The following TOMM20L variants were observed in gnomAD, a reference collection of about 807,000 sequenced individuals.
TOMM20L encodes the protein TOMM20-like protein 1.
A neutral mutation model predicts 20.4 loss-of-function variants in TOMM20L; 19 were observed. The ratio of observed to expected loss-of-function variants is 0.93; its 90% CI spans 0.65 to 1.36. The LOEUF (loss-of-function observed/expected upper bound fraction) is 1.36, where lower values mean the gene tolerates loss of function less well. Among genes scored for constraint, TOMM20L ranks in the 40% most tolerant of loss-of-function variants. The pLI, the probability that TOMM20L is intolerant of heterozygous loss-of-function variation, is 0.00. For missense variants in TOMM20L, 218 were observed against 203.7 expected, an observed-to-expected ratio of 1.07 and a Z score of -0.43; for synonymous variants, 75 against 79.6, an observed-to-expected ratio of 0.94 and a Z score of 0.30.
intron 3 of TOMM20L, among the ~76,000 whole-genome samples, chr14:58,405,034 T>C (rs1007989494): frequency 7.3e-5 from 11 of 151,422 alleles, no homozygotes; most frequent in Non-Finnish European, 8.8e-5. Flanking sequence ...AATGGCGCCA[T>C]CTCAGCCCAT....
intron 3 of TOMM20L, among the ~76,000 whole-genome samples, chr14:58,404,420 C>T (rs183299722): frequency 4.7e-4 from 71 of 151,518 alleles, no homozygotes; most frequent in Non-Finnish European, 9.1e-4. Context: ...TGAGCCACCG[C>T]GCCCGGCCAT....
chr14:58,403,797 G>T (rs376548506), intron 3 of TOMM20L, among the ~76,000 whole-genome samples: 1 of 151,200 alleles, frequency 6.6e-6, no homozygotes, highest in South Asian at 2.1e-4. Context: ...GAGATCGCAC[G>T]ACTGCACTCC....
chr14:58,407,677 G>A (rs977742829), intron 4 of TOMM20L, among the ~76,000 whole-genome samples: 1 of 151,974 alleles, frequency 6.6e-6, no homozygotes, highest in Non-Finnish European at 1.5e-5. Context: ...TGTATTATCC[G>A]TATTTCAACA....
chr14:58,410,858 T>G, downstream of TOMM20L: 1 of 1,609,192 alleles, frequency 6.2e-7, no homozygotes, highest in Non-Finnish European at 8.5e-7. Context: ...CAGGTTTTAC[T>G]TCTCTTGTTG....
downstream of TOMM20L, chr14:58,411,845 T>G (rs2036229859): frequency 6.7e-7 from 1 of 1,482,052 alleles, no homozygotes; most frequent in South Asian, 1.1e-5. Flanking sequence ...CCTGACATGG[T>G]GGCATTAGTA....
Position 58,407,534 on chromosome 14 carries a change from A to G in TOMM20L, c.405+66A>G, listed in dbSNP as rs558530709. ...AAATAGCTATGTTATGCTTGACTAC[A>G]CAGAAATATCAAAGTATGTGTGTGA... On this transcript the variant is annotated intron_variant, in intron 4 of 4. Transcript: ENST00000360945. 130 of 1,488,060 alleles carry G rather than the reference A, an allele frequency of 8.7e-5. No homozygotes were observed. The South Asian group carries it at 1.8e-3, about 20-fold the overall frequency. The allele number at this position is 1,488,060 out of a possible 1,614,324, so 92.2% of individuals were successfully genotyped here. A position where few individuals can be genotyped will look rare whatever the true frequency, so the allele number is the denominator to read the frequency against.
Position 58,396,346 on chromosome 14 carries a change from A to C in TOMM20L, c.180+5A>C, listed in dbSNP as rs1174548631. On this transcript the variant is annotated splice_donor_5th_base_variant and intron_variant, in intron 2 of 4. Coordinates refer to ENST00000360945, the MANE Select transcript of TOMM20L (RefSeq NM_207377.3). ...GCTGAGGAGCAGGGCACGCAGGTGC[A>C]GTGCTTTCGATCCGCACAGGTAGCT... 6.2e-7 allele frequency: 1 copy of C among 1,613,198 alleles called. No homozygotes were observed. The highest frequency in any genetic ancestry group is 2.2e-5 in the East Asian group (1 of 44,868).
At chr14:58,411,962 T>C, downstream of TOMM20L, 1 of 1,612,478 alleles carries the variant, frequency 6.2e-7, no homozygotes, top group Non-Finnish European at 8.5e-7. Context: ...CTGGTACCTT[T>C]ATTAGTCACC....
the TOMM20L span, among the ~76,000 whole-genome samples, chr14:58,415,261 A>C: frequency 3.2e-4 from 48 of 152,326 alleles, 1 homozygote; most frequent in Middle Eastern, 3.4e-3. Flanking sequence ...AAAATGATTA[A>C]ATAACATCTA....
chr14:58,401,236 T>A (rs1678872791), intron 2 of TOMM20L, among the ~76,000 whole-genome samples: 1 of 152,176 alleles, frequency 6.6e-6, no homozygotes, highest in African/African-American at 2.4e-5. Flanking sequence ...GTAAAACCTC[T>A]GATGTTACTG....
the TOMM20L span, among the ~76,000 whole-genome samples, chr14:58,414,008 GAAAAAAAA>G: frequency 5.4e-4 from 13 of 24,178 alleles, no homozygotes; most frequent in South Asian, 4.1e-3. Context: ...TTCCGTCTCA[GAAAAAAAA>G]AAAAAAAAAA....
At chr14:58,401,928 A>G (rs1291008900) in intron 2 of TOMM20L, among the ~76,000 whole-genome samples, 3 of 152,218 alleles carry the variant, frequency 2.0e-5, no homozygotes, top group Non-Finnish European at 4.4e-5. Flanking sequence ...TTCCCCGATT[A>G]GAGAGTTACT....
the TOMM20L span, among the ~76,000 whole-genome samples, chr14:58,416,708 A>G: frequency 6.6e-6 from 1 of 152,230 alleles, no homozygotes; most frequent in Non-Finnish European, 1.5e-5. Context: ...GTAGACAATT[A>G]AGGTTTCTAT....
chr14:58,401,370 G>A (rs2035990440), intron 2 of TOMM20L, among the ~76,000 whole-genome samples: 1 of 152,072 alleles, frequency 6.6e-6, no homozygotes, highest in Non-Finnish European at 1.5e-5. Flanking sequence ...AGGAGATCGA[G>A]ACCATCCTAG....
the TOMM20L span, among the ~76,000 whole-genome samples, chr14:58,415,920 A>G: frequency 2.0e-5 from 3 of 152,138 alleles, no homozygotes; most frequent in Non-Finnish European, 4.4e-5. Flanking sequence ...CAAACATCTG[A>G]AAACTAAAGA....
chr14:58,412,215 T>C (rs1410068299), downstream of TOMM20L: 6 of 356,036 alleles, frequency 1.7e-5, no homozygotes, highest in Non-Finnish European at 3.1e-5. Flanking sequence ...CCATCTTGGC[T>C]CACTGCAACC....
At chr14:58,409,402 GTC>G (rs1482741591), downstream of TOMM20L, among the ~76,000 whole-genome samples, 3 of 152,048 alleles carry the variant, frequency 2.0e-5, no homozygotes, top group Admixed American at 2.0e-4. Context: ...GCAATGATAA[GTC>G]TCTGTTTTCA....
chr14:58,399,908 A>G (rs1488034497), intron 2 of TOMM20L, among the ~76,000 whole-genome samples: 1 of 133,566 alleles, frequency 7.5e-6, no homozygotes, highest in East Asian at 2.2e-4. Context: ...ATATATATAT[A>G]TATATATATA....
the TOMM20L span, among the ~76,000 whole-genome samples, chr14:58,414,006 C>CAAAAA: frequency 3.9e-3 from 1 of 254 alleles, no homozygotes; most frequent in African/African-American, 8.5e-3. Context: ...GATTCCGTCT[C>CAAAAA]AGAAAAAAAA....
Sources: allele counts gnomAD v4.1 joint callset (sites outside exome capture counted in the v4.1 genomes callset), GRCh38; gene constraint gnomAD v4.1.1; transcripts MANE v1.5; gene names NCBI Gene and HGNC (gene_info 2026-07-23, HGNC 2026-07-21).